The following IGF2R variants were observed in gnomAD, a reference collection of about 807,000 sequenced individuals.
IGF2R encodes insulin like growth factor 2 receptor, also known as cation-independent mannose-6-phosphate receptor.
In IGF2R, 91 loss-of-function variants were observed where a neutral mutation model predicts 270.6. The observed-to-expected ratio is 0.34, with a 90% CI of 0.28 to 0.40. The LOEUF (loss-of-function observed/expected upper bound fraction) is 0.40, where lower values mean the gene tolerates loss of function less well. Ranked by LOEUF, IGF2R falls within the 10% of genes least tolerant of loss-of-function variation. The pLI, the probability that IGF2R is intolerant of heterozygous loss-of-function variation, is 1.00. For missense variants in IGF2R, 2,805 were observed against 3,188.3 expected (o/e 0.88, Z 2.90); for synonymous variants, 1,316 against 1,258.9 (o/e 1.05, Z -0.96).
At position 160,084,159 on chromosome 6, in the gene IGF2R, T is replaced by A; in HGVS notation, c.6043T>A (p.Trp2015Arg). 1 of 1,613,390 alleles carries A rather than the reference T, an allele frequency of 6.2e-7. No homozygotes were observed. Residue 2015 changes from tryptophan (W) to arginine (R), a missense_variant, in exon 40 of 48, where the codon TGG (tryptophan) becomes AGG (arginine). Physicochemically the swap from Trp to Arg is moderately radical, Grantham distance 101. Transcript: ENST00000356956. This position sits in a 1 kb window ranked among gnomAD's most constrained non-coding sequence, Gnocchi z 4.6. ...LRLLSSLTGS[W>R]SLVHNGVSYY... is the part of the protein sequence containing the mutation. Reference sequence around the variant, plus strand: ...GCTGCTCTCCTCTCTCACCGGGTCCTGGTCCCTCGTCCACAACGGAGTCTC... The same window carrying A: ...GCTGCTCTCCTCTCTCACCGGGTCCAGGTCCCTCGTCCACAACGGAGTCTC...
chr6:160,049,694 G>A (rs973122116), intron 18 of IGF2R, among the ~76,000 whole-genome samples: 20 of 152,276 alleles, frequency 1.3e-4, no homozygotes, highest in African/African-American at 4.1e-4. Context: ...GTTTAGCGGG[G>A]CAGCCTTAGG....
At chr6:160,070,500 C>G (rs1211790996) in intron 31 of IGF2R, among the ~76,000 whole-genome samples, 1 of 152,224 alleles carries the variant, frequency 6.6e-6, no homozygotes, top group Non-Finnish European at 1.5e-5. Flanking sequence ...ATGAGGCATA[C>G]TTGTCCTGCC....
chr6:160,071,851 C>A, intron 31 of IGF2R, 59 bp from the exon 32 acceptor site: 2 of 1,592,754 alleles, frequency 1.3e-6, no homozygotes, highest in South Asian at 1.1e-5. Context: ...AAGTTGAAAT[C>A]ATGATAGACA....
intron 1 of IGF2R, 98 bp from the exon 2 acceptor site, chr6:159,991,084 TTG>T: frequency 1.8e-6 from 2 of 1,122,890 alleles, no homozygotes; most frequent in South Asian, 1.6e-5. Flanking sequence ...ATTTTCTAGT[TTG>T]TGGCAGTTTT....
intron 1 of IGF2R, among the ~76,000 whole-genome samples, chr6:159,988,084 A>G (rs73019686): frequency 0.02 from 3,032 of 152,364 alleles, 47 homozygotes; most frequent in Non-Finnish European, 0.035. Flanking sequence ...TTTTCTTTCT[A>G]GCAACCCTGA....
intron 41 of IGF2R, among the ~76,000 whole-genome samples, chr6:160,086,146 G>T (rs929161033): frequency 6.6e-6 from 1 of 152,226 alleles, no homozygotes; most frequent in Non-Finnish European, 1.5e-5. Context: ...AACACAGGGG[G>T]TGACATGGAA....
chr6:160,104,848 C>A lies in IGF2R; in HGVS notation c.7240C>A (p.Leu2414Met), dbSNP rs1383512403. 6.2e-6 allele frequency: 10 copies of A among 1,614,196 alleles called. No homozygotes were observed. Among genetic ancestry groups the A allele is most frequent in the Non-Finnish European group, 8.5e-6 (10 of 1,180,048 alleles). Reference sequence around the variant, plus strand: ...TGACCAGGACAGTGAGGATGAGGTTCTGACCATCCCAGAGGTGAAAGTTCA... The same window carrying A: ...TGACCAGGACAGTGAGGATGAGGTTATGACCATCCCAGAGGTGAAAGTTCA... ...GDDQDSEDEV[L>M]TIPEVKVHSG... Residue 2414 changes from leucine (L) to methionine (M), a missense_variant, in exon 48 of 48, where the codon CTG (leucine) becomes ATG (methionine). Coordinates refer to ENST00000356956, the MANE Select transcript of IGF2R (RefSeq NM_000876.4).
At position 160,087,820 on chromosome 6, in the gene IGF2R, C is replaced by T. The variant is rs145339412; in HGVS notation, c.6206-213C>T. On this transcript the variant is annotated intron_variant, in intron 41 of 47. Transcript: ENST00000356956. ...CCTCCTGAGTAGCTGGGATTACAGG[C>T]ACCTGCCACCGTGCCCGAATAATTT... Among the ~76,000 whole-genome samples the T allele has an allele frequency of 1.4e-3, 211 of 152,234 alleles. 1 individual carries two copies. Among genetic ancestry groups the T allele is most frequent in the African/African-American group, 5.0e-3 (206 of 41,548 alleles).
chr6:160,051,257 C>T (rs1182754232), intron 19 of IGF2R, among the ~76,000 whole-genome samples: 1 of 152,162 alleles, frequency 6.6e-6, no homozygotes, highest in African/African-American at 2.4e-5. Context: ...AAAGAATGGA[C>T]AGAAATTAAC....
chr6:159,986,682 A>G (rs763509001), intron 1 of IGF2R, among the ~76,000 whole-genome samples: 6 of 151,996 alleles, frequency 3.9e-5, no homozygotes, highest in African/African-American at 4.8e-5. Context: ...GTTTGTTGCT[A>G]ACATTTAACA....
chr6:160,001,952 A>G (rs1272489179), intron 2 of IGF2R, among the ~76,000 whole-genome samples: 1 of 152,064 alleles, frequency 6.6e-6, no homozygotes, highest in Non-Finnish European at 1.5e-5. Context: ...TTAACATTTC[A>G]CTCCCTCTAA....
At chr6:160,057,797 A>G (rs1363587001) in intron 20 of IGF2R, among the ~76,000 whole-genome samples, 1 of 152,208 alleles carries the variant, frequency 6.6e-6, no homozygotes, top group Non-Finnish European at 1.5e-5. Flanking sequence ...AACAGCTTCC[A>G]GGTGAGTGTA....
At chr6:159,984,277 T>C (rs1783847225) in intron 1 of IGF2R, among the ~76,000 whole-genome samples, 1 of 152,210 alleles carries the variant, frequency 6.6e-6, no homozygotes, top group African/African-American at 2.4e-5. Flanking sequence ...GCTGAACAAT[T>C]CTTATCACCT....
chr6:159,981,301 GTGTC>G (rs976144245), intron 1 of IGF2R, among the ~76,000 whole-genome samples: 8 of 151,942 alleles, frequency 5.3e-5, no homozygotes, highest in Non-Finnish European at 7.4e-5. Flanking sequence ...GCAAGTGTGT[GTGTC>G]TGAGTGTCTG....
Position 160,047,399 on chromosome 6 carries a change from T to C in IGF2R, c.2229+63T>C, listed in dbSNP as rs1014199204. 4 of 1,366,688 alleles carry C rather than the reference T, an allele frequency of 2.9e-6. No homozygotes were observed. In the African/African-American group the frequency reaches 5.8e-5, roughly 20 times the overall value. 84.7% of individuals were successfully genotyped at this position (1,366,688 alleles called of 1,614,324 possible). On this transcript the variant is annotated intron_variant, in intron 16 of 47. Coordinates refer to ENST00000356956, the MANE Select transcript of IGF2R (RefSeq NM_000876.4). ...ACTCATGCCTGTGGTGGGCCTTTCA[T>C]TTAAGCAGAGCTTGTATCAGTCTGG...
At chr6:160,049,300 T>C (rs1448198434) in intron 18 of IGF2R, among the ~76,000 whole-genome samples, 1 of 152,196 alleles carries the variant, frequency 6.6e-6, no homozygotes, top group East Asian at 1.9e-4. Flanking sequence ...ACTTGCCTAC[T>C]TGAGAACACG....
chr6:160,043,095 C>A, intron 11 of IGF2R, 53 bp from the exon 12 acceptor site: 1 of 1,593,536 alleles, frequency 6.3e-7, no homozygotes, highest in South Asian at 1.1e-5. Flanking sequence ...TATTCTGTGA[C>A]TCAGAGAAAT....
chr6:160,062,073 A>T, intron 25 of IGF2R, 145 bp downstream of exon 25: 1 of 717,042 alleles, frequency 1.4e-6, no homozygotes, highest in Non-Finnish European at 2.3e-6. Context: ...ACGAGAATGC[A>T]CTCATTTCTT....
chr6:160,031,769 G>A (rs1777702342), intron 7 of IGF2R, among the ~76,000 whole-genome samples: 1 of 152,168 alleles, frequency 6.6e-6, no homozygotes, highest in Non-Finnish European at 1.5e-5. Flanking sequence ...CGTGTAGCAG[G>A]TGCTCAGTGA....
Sources: gnomAD v4.1 joint callset for allele counts (sites outside exome capture counted in the v4.1 genomes callset) on GRCh38, gnomAD v4.1.1 for gene constraint, Gnocchi (gnomAD v3.1) non-coding constraint, MANE v1.5 for transcripts, NCBI Gene and HGNC (gene_info 2026-07-23, HGNC 2026-07-21) for gene names.